The following NEGR1 variants were observed in gnomAD, a reference collection of about 807,000 sequenced individuals.
NEGR1 encodes the protein neuronal growth regulator 1, also known as IgLON family member 4.
Under a neutral mutation model 40.9 loss-of-function variants are expected in NEGR1, and 10 were observed. The observed-to-expected ratio is 0.24, with a 90% CI of 0.15 to 0.42. The LOEUF (loss-of-function observed/expected upper bound fraction) is 0.42. Ranked by LOEUF, NEGR1 falls within the 10% of genes least tolerant of loss-of-function variation. The pLI, the probability that NEGR1 is intolerant of heterozygous loss-of-function variation, is 1.00. For synonymous variants in NEGR1, 185 were observed against 166.8 expected, an observed-to-expected ratio of 1.11 and a Z score of -0.84; for missense variants, 352 against 438.9, an observed-to-expected ratio of 0.80 and a Z score of 1.77.
chr1:72,182,386 G>A (rs557860218), intron 1 of NEGR1, among the ~76,000 whole-genome samples: 6 of 152,182 alleles, frequency 3.9e-5, no homozygotes, highest in African/African-American at 1.4e-4. Flanking sequence ...TCAGTTACTT[G>A]GGAGGCTGAG....
intron 2 of NEGR1, among the ~76,000 whole-genome samples, chr1:71,791,286 A>G (rs1318335039): frequency 6.6e-6 from 1 of 152,102 alleles, no homozygotes; most frequent in Admixed American, 6.6e-5. Context: ...TTAAAAACTC[A>G]AAATGTATCA....
intron 2 of NEGR1, among the ~76,000 whole-genome samples, chr1:71,839,520 C>T (rs1002691007): frequency 4.0e-5 from 6 of 151,892 alleles, no homozygotes; most frequent in Non-Finnish European, 7.4e-5. Flanking sequence ...CGAGACCAGA[C>T]TTAGGATTAA....
intron 1 of NEGR1, among the ~76,000 whole-genome samples, chr1:71,998,203 T>C (rs1180136750): frequency 2.6e-5 from 4 of 151,854 alleles, no homozygotes; most frequent in Admixed American, 1.3e-4. Context: ...AGGCTAATCA[T>C]AATACTTATC....
chr1:72,142,728 C>T (rs947122596), intron 1 of NEGR1, among the ~76,000 whole-genome samples: 3 of 151,760 alleles, frequency 2.0e-5, no homozygotes, highest in South Asian at 4.1e-4. Context: ...GGCTCGAATA[C>T]TGAGGCAGAA....
chr1:72,278,929 G>A (rs1467436085), intron 1 of NEGR1, among the ~76,000 whole-genome samples: 1 of 151,928 alleles, frequency 6.6e-6, no homozygotes, highest in Non-Finnish European at 1.5e-5. Context: ...TTAAGAAAGG[G>A]AAATATCAAA....
chr1:71,949,653 C>G (rs564771197), intron 1 of NEGR1, among the ~76,000 whole-genome samples: 3 of 152,134 alleles, frequency 2.0e-5, no homozygotes, highest in Admixed American at 6.6e-5. Context: ...CTCTATTGTA[C>G]TTTAGAACTT....
chr1:71,902,803 G>A (rs1476326346), intron 2 of NEGR1, among the ~76,000 whole-genome samples: 1 of 151,500 alleles, frequency 6.6e-6, no homozygotes, highest in Non-Finnish European at 1.5e-5. Context: ...AATTTATTTG[G>A]AAAATAAATA....
chr1:71,649,776 G>A (rs1015620903), intron 4 of NEGR1, among the ~76,000 whole-genome samples: 1 of 152,108 alleles, frequency 6.6e-6, no homozygotes, highest in Non-Finnish European at 1.5e-5. Context: ...AGTCTCGTCA[G>A]CCTGAAGGCT....
At chr1:72,130,073 A>G (rs1252927029) in intron 1 of NEGR1, among the ~76,000 whole-genome samples, 1 of 152,184 alleles carries the variant, frequency 6.6e-6, no homozygotes, top group Admixed American at 6.5e-5. Flanking sequence ...TTAATGCTTC[A>G]TATTTTCACT....
intron 3 of NEGR1, among the ~76,000 whole-genome samples, chr1:71,707,954 T>G (rs1034584459): frequency 1.3e-4 from 20 of 152,188 alleles, no homozygotes; most frequent in African/African-American, 4.6e-4. Context: ...GGGCTTGGGA[T>G]GCCCGTAAAG....
chr1:72,237,305 T>G (rs1284383440), intron 1 of NEGR1, among the ~76,000 whole-genome samples: 1 of 152,024 alleles, frequency 6.6e-6, no homozygotes, highest in African/African-American at 2.4e-5. Context: ...GAGAATCATA[T>G]ATTTTAAATC....
intron 1 of NEGR1, among the ~76,000 whole-genome samples, chr1:71,952,878 A>C (rs1646084031): frequency 6.6e-6 from 1 of 151,826 alleles, no homozygotes; most frequent in South Asian, 2.1e-4. Context: ...AAATTGGACA[A>C]CAAATCCTGG....
intron 4 of NEGR1, among the ~76,000 whole-genome samples, chr1:71,652,337 T>G (rs1227919896): frequency 6.6e-6 from 1 of 152,232 alleles, no homozygotes; most frequent in Non-Finnish European, 1.5e-5. Context: ...TATTTTAGTT[T>G]GTAAACTGAA....
intron 1 of NEGR1, among the ~76,000 whole-genome samples, chr1:72,173,342 G>A (rs1471167055): frequency 4.0e-5 from 2 of 49,662 alleles, no homozygotes; most frequent in African/African-American, 1.1e-4. Flanking sequence ...ATTTTCATCT[G>A]CTGCTTTTGC....
chr1:72,251,050 A>C (rs930810494), intron 1 of NEGR1, among the ~76,000 whole-genome samples: 8 of 152,182 alleles, frequency 5.3e-5, no homozygotes, highest in Non-Finnish European at 1.2e-4. Flanking sequence ...AATTCACCAG[A>C]GGATTTCTTA....
chr1:71,900,855 G>T (rs1318114491), intron 2 of NEGR1, among the ~76,000 whole-genome samples: 2 of 152,140 alleles, frequency 1.3e-5, no homozygotes, highest in African/African-American at 4.8e-5. Flanking sequence ...AGAGACTGAA[G>T]CAGAGAAACA....
intron 1 of NEGR1, among the ~76,000 whole-genome samples, chr1:72,224,514 T>C (rs1224132637): frequency 1.3e-5 from 2 of 152,264 alleles, no homozygotes; most frequent in African/African-American, 2.4e-5. Context: ...CAATATTTTA[T>C]GTAATTCTCA....
intron 1 of NEGR1, among the ~76,000 whole-genome samples, chr1:71,961,038 T>C (rs1312271188): frequency 6.6e-6 from 1 of 152,182 alleles, no homozygotes; most frequent in South Asian, 2.1e-4. Context: ...CAACTACGTA[T>C]CAGACTTTTA....
chr1:71,612,746 G>A (rs1354278825), intron 4 of NEGR1, among the ~76,000 whole-genome samples: 2 of 152,210 alleles, frequency 1.3e-5, no homozygotes, highest in African/African-American at 2.4e-5. Flanking sequence ...AAATGAGTGA[G>A]TTAGCTATGT....
Sources: gnomAD v4.1 joint callset for allele counts (sites outside exome capture counted in the v4.1 genomes callset) on GRCh38, gnomAD v4.1.1 for gene constraint, MANE v1.5 for transcripts, NCBI Gene and HGNC (gene_info 2026-07-23, HGNC 2026-07-21) for gene names.